The following SPTBN1 variants were observed in gnomAD, a reference collection of about 807,000 sequenced individuals.
SPTBN1 encodes the protein spectrin beta chain, non-erythrocytic 1.
SPTBN1 carries 32 observed loss-of-function variants against 266.4 expected under a neutral mutation model. That is an observed-to-expected ratio of 0.12 (90% CI 0.09 to 0.16). SPTBN1 has a LOEUF of 0.16. Ranked by LOEUF, SPTBN1 falls within the 10% of genes least tolerant of loss-of-function variation. SPTBN1 has a pLI of 1.00. For missense variants in SPTBN1, 2,296 were observed against 3,067.1 expected (o/e 0.75, Z 5.94); for synonymous variants, 1,336 against 1,162.2 (o/e 1.15, Z -3.04).
intron 1 of SPTBN1, among the ~76,000 whole-genome samples, chr2:54,524,459 A>G (rs1043233116): frequency 5.9e-5 from 9 of 152,088 alleles, no homozygotes; most frequent in Admixed American, 2.6e-4. Context: ...TCAGTCCTTC[A>G]CCAGGCCCTG....
chr2:54,526,658 G>A (rs1221965531), intron 2 of SPTBN1, 92 bp downstream of exon 2: 7 of 1,424,986 alleles, frequency 4.9e-6, no homozygotes, highest in Middle Eastern at 2.4e-4. Context: ...ACGCTGTCAT[G>A]TTCGAAGGTT....
At chr2:54,565,234 G>A (rs1319597784) in intron 2 of SPTBN1, among the ~76,000 whole-genome samples, 1 of 152,206 alleles carries the variant, frequency 6.6e-6, no homozygotes, top group Admixed American at 6.5e-5. Context: ...TTGTGGTGGG[G>A]ATGGAGAAGC....
intron 2 of SPTBN1, among the ~76,000 whole-genome samples, chr2:54,550,880 G>A (rs780546432): frequency 1.3e-5 from 2 of 152,178 alleles, no homozygotes; most frequent in Non-Finnish European, 2.9e-5. Flanking sequence ...GGCTGAGAAC[G>A]TGTCAGATGA....
At chr2:54,652,933 TAACTC>T (rs1204776523) in intron 26 of SPTBN1, 2 of 152,304 alleles carry the variant, frequency 1.3e-5, no homozygotes, top group Admixed American at 6.5e-5. Context: ...CTGAAAAAGA[TAACTC>T]AACCAAAATA....
chr2:54,587,806 A>T (rs1030403854), intron 2 of SPTBN1, among the ~76,000 whole-genome samples: 1 of 152,080 alleles, frequency 6.6e-6, no homozygotes, highest in Admixed American at 6.6e-5. Context: ...TCCATCCCGT[A>T]AGTGAAGGTA....
At chr2:54,546,107 A>G (rs1305317455) in intron 2 of SPTBN1, among the ~76,000 whole-genome samples, 1 of 152,178 alleles carries the variant, frequency 6.6e-6, no homozygotes, top group Non-Finnish European at 1.5e-5. Flanking sequence ...ATCACTACAA[A>G]TTACAGACCT....
intron 1 of SPTBN1, among the ~76,000 whole-genome samples, chr2:54,457,744 G>C (rs1040170089): frequency 1.3e-4 from 20 of 152,374 alleles, no homozygotes; most frequent in African/African-American, 4.3e-4. Flanking sequence ...GCCTGGAGCT[G>C]CTGCTACCTT....
intron 2 of SPTBN1, among the ~76,000 whole-genome samples, chr2:54,562,287 A>G (rs530142580): frequency 2.0e-5 from 3 of 152,136 alleles, no homozygotes; most frequent in Non-Finnish European, 4.4e-5. Context: ...TTTCCCCCTC[A>G]GAAACAGTTG....
intron 2 of SPTBN1, among the ~76,000 whole-genome samples, chr2:54,592,968 T>C (rs1241554029): frequency 6.6e-6 from 1 of 152,084 alleles, no homozygotes; most frequent in East Asian, 1.9e-4. Context: ...TCTAGTGAGC[T>C]TAGAGAAAGT....
chr2:54,632,784 G>A lies in SPTBN1; in HGVS notation c.3767+16G>A. 6.2e-7 allele frequency: 1 copy of A among 1,613,426 alleles called. No individual in the cohort carries two copies. The highest frequency in any genetic ancestry group is 8.5e-7 in the Non-Finnish European group (1 of 1,179,706). ...TTGATGACAGGTACAGTTTTCTGAG[G>A]TTCTTAAGGGAGCCTTGCACCTTGG... On this transcript the variant is annotated intron_variant, in intron 17 of 35. Transcript: ENST00000356805.
Position 54,669,957 on chromosome 2 carries a change from G to A in SPTBN1, c.*1388G>A, listed in dbSNP as rs143657256. On this transcript the variant is annotated 3_prime_UTR_variant, in exon 36 of 36. Transcript: ENST00000356805. ...AGATAGGGGTTGGCAAATTTGTTCTGTAAAGGGACAGAGATAGTAAATATT... is the reference window on the plus strand; with the variant it reads ...AGATAGGGGTTGGCAAATTTGTTCTATAAAGGGACAGAGATAGTAAATATT... The A allele has an allele frequency of 6.6e-6, 1 of 152,184 alleles. No homozygotes were observed. The highest frequency in any genetic ancestry group is 1.5e-5 in the Non-Finnish European group (1 of 68,038). The allele number at this position is 152,184 out of a possible 1,614,324, so 9.4% of individuals were successfully genotyped here. A position where few individuals can be genotyped will look rare whatever the true frequency, so the allele number is the denominator to read the frequency against.
At chr2:54,498,243 A>G (rs559756870) in intron 1 of SPTBN1, among the ~76,000 whole-genome samples, 2 of 152,328 alleles carry the variant, frequency 1.3e-5, no homozygotes, top group Middle Eastern at 3.4e-3. Context: ...CAGTGCATTC[A>G]CAAGACGGGA....
chr2:54,664,785 C>T lies in SPTBN1; in HGVS notation c.6659+94C>T, dbSNP rs1681270035. The T allele has an allele frequency of 3.9e-6, 5 of 1,287,944 alleles. No homozygotes were observed. The highest frequency in any genetic ancestry group is 4.7e-5 in the East Asian group (2 of 42,372). 79.8% of individuals were successfully genotyped at this position (1,287,944 alleles called of 1,614,324 possible). A position where few individuals can be genotyped will look rare whatever the true frequency, so the allele number is the denominator to read the frequency against. On this transcript the variant is annotated intron_variant, in intron 33 of 35. Coordinates refer to ENST00000356805, the MANE Select transcript of SPTBN1 (RefSeq NM_003128.3). The surrounding 1 kb of genome is among the most constrained non-coding windows in gnomAD (Gnocchi z 5.6). The stretch of plus-strand genomic sequence containing the variant: ...TTGAATTGGAAGAGAAGTATGTGCT[C>T]ATGTAGTTTTATTCCTTTGGTAGCT...
chr2:54,485,688 C>A (rs918578785), intron 1 of SPTBN1, among the ~76,000 whole-genome samples: 4 of 151,694 alleles, frequency 2.6e-5, no homozygotes, highest in Admixed American at 2.0e-4. Context: ...TGCCTGGCTG[C>A]CCAGTCTGGA....
intron 17 of SPTBN1, among the ~76,000 whole-genome samples, chr2:54,634,417 A>G (rs1311655888): frequency 6.6e-6 from 1 of 152,254 alleles, no homozygotes; most frequent in Non-Finnish European, 1.5e-5. Context: ...CTCAGTTTTA[A>G]AAATGAAACG....
chr2:54,562,941 A>G (rs1673416867), intron 2 of SPTBN1, among the ~76,000 whole-genome samples: 1 of 152,120 alleles, frequency 6.6e-6, no homozygotes. Flanking sequence ...GGTTACTGGG[A>G]AAAACGATTT....
At position 54,646,306 on chromosome 2, in the gene SPTBN1, G is replaced by A; in HGVS notation, c.4697G>A (p.Arg1566Lys). Residue 1566 changes from arginine to lysine, a missense_variant, in exon 23 of 36, where the codon AGG (arginine) becomes AAG (lysine). Transcript: ENST00000356805. The surrounding 1 kb of genome is among the most constrained non-coding windows in gnomAD (Gnocchi z 4.4). ...SSLSAEAIRQ[R>K]LADLKQLWGL... ...CTCAGCGCTGAGGCCATCAGACAGA[G>A]GCTTGCCGACCTGAAGCAGCTGTGG... 1.2e-6 allele frequency: 2 copies of A among 1,614,194 alleles called. No individual in the cohort carries two copies. The highest frequency in any genetic ancestry group is 1.7e-6 in the Non-Finnish European group (2 of 1,180,036).
intron 23 of SPTBN1, 85 bp from the exon 24 acceptor site, chr2:54,647,046 C>T (rs1411244593): frequency 6.3e-7 from 1 of 1,597,642 alleles, no homozygotes. Flanking sequence ...CTTCCTCCTA[C>T]CCTGCTGAGC....
Position 54,616,075 on chromosome 2 carries a change from A to T in SPTBN1, c.475-132A>T, listed in dbSNP as rs1280351702. 1.1e-5 allele frequency: 7 copies of T among 636,194 alleles called. No homozygotes were observed. The African/African-American group carries it at 1.1e-4, about 10-fold the overall frequency. The allele number at this position is 636,194 out of a possible 1,614,324, so 39.4% of individuals were successfully genotyped here. A position where few individuals can be genotyped will look rare whatever the true frequency, so the allele number is the denominator to read the frequency against. On this transcript the variant is annotated intron_variant, in intron 4 of 35. Transcript: ENST00000356805. Reference sequence around the variant, plus strand: ...AGACTTCAGGAAGCAGTTTTCATTGACAGGGTAGATCGTCTGCAGGGCAAG... The same window carrying T: ...AGACTTCAGGAAGCAGTTTTCATTGTCAGGGTAGATCGTCTGCAGGGCAAG...
Sources: gnomAD v4.1 joint callset for allele counts (sites outside exome capture counted in the v4.1 genomes callset) on GRCh38, gnomAD v4.1.1 for gene constraint, Gnocchi (gnomAD v3.1) non-coding constraint, MANE v1.5 for transcripts, NCBI Gene and HGNC (gene_info 2026-07-23, HGNC 2026-07-21) for gene names.